SLC24A2: variants seen among roughly 807,000 people sequenced by gnomAD.
The protein encoded by SLC24A2 is sodium/potassium/calcium exchanger 2.
In SLC24A2, 36 loss-of-function variants were observed where a neutral mutation model predicts 62.0. The ratio of observed to expected loss-of-function variants is 0.58; its 90% CI spans 0.44 to 0.77. The LOEUF is 0.77. SLC24A2 is among the 30% of genes least tolerant of loss of function. The pLI, the probability that SLC24A2 is intolerant of heterozygous loss-of-function variation, is 0.00. For synonymous variants in SLC24A2, 358 were observed against 294.0 expected (o/e 1.22, Z -2.23); for missense variants, 846 against 817.9 (o/e 1.03, Z -0.42).
intron 2 of SLC24A2, among the ~76,000 whole-genome samples, chr9:19,699,156 T>C (rs1029516507): frequency 6.6e-6 from 1 of 152,142 alleles, no homozygotes; most frequent in Non-Finnish European, 1.5e-5. Context: ...CTGATTATCT[T>C]GGTACCTACT....
At chr9:20,047,785 T>C in the SLC24A2 span, among the ~76,000 whole-genome samples, 1 of 151,494 alleles carries the variant, frequency 6.6e-6, no homozygotes, top group Non-Finnish European at 1.5e-5. Context: ...CCCCACCTCC[T>C]AATACCATCA....
the SLC24A2 span, among the ~76,000 whole-genome samples, chr9:19,985,294 T>G: frequency 1.3e-5 from 2 of 152,138 alleles, no homozygotes; most frequent in African/African-American, 4.8e-5. Context: ...TTATGAAATG[T>G]ACATAGCAAC....
chr9:20,265,106 C>G, the SLC24A2 span, among the ~76,000 whole-genome samples: 1 of 152,242 alleles, frequency 6.6e-6, no homozygotes, highest in African/African-American at 2.4e-5. Flanking sequence ...CAGCGGGCTA[C>G]AGCGGGAGAT....
chr9:19,874,999 A>C, the SLC24A2 span, among the ~76,000 whole-genome samples: 1 of 148,814 alleles, frequency 6.7e-6, no homozygotes, highest in African/African-American at 2.5e-5. Flanking sequence ...AGAATTACAA[A>C]AAAAAAAAAA....
the SLC24A2 span, among the ~76,000 whole-genome samples, chr9:20,241,813 G>C: frequency 4.6e-5 from 7 of 152,196 alleles, no homozygotes; most frequent in East Asian, 1.4e-3. Context: ...AGTTAGCCAA[G>C]CTGAAGGAGC....
At chr9:19,766,994 G>C (rs1040893334) in intron 2 of SLC24A2, among the ~76,000 whole-genome samples, 2 of 152,194 alleles carry the variant, frequency 1.3e-5, no homozygotes, top group Non-Finnish European at 2.9e-5. Context: ...GCCCTGCCCA[G>C]AGAGGAGTAA....
At chr9:20,214,410 A>G in the SLC24A2 span, among the ~76,000 whole-genome samples, 1 of 152,120 alleles carries the variant, frequency 6.6e-6, no homozygotes, top group Non-Finnish European at 1.5e-5. Flanking sequence ...TCAGTAGATA[A>G]GACCATCCTG....
At chr9:20,269,214 G>A in the SLC24A2 span, among the ~76,000 whole-genome samples, 1 of 152,116 alleles carries the variant, frequency 6.6e-6, no homozygotes, top group African/African-American at 2.4e-5. Context: ...CTCAAGTTTT[G>A]TGGCTCTCCC....
chr9:19,753,683 C>T (rs1822051556), intron 2 of SLC24A2, among the ~76,000 whole-genome samples: 1 of 152,156 alleles, frequency 6.6e-6, no homozygotes, highest in African/African-American at 2.4e-5. Flanking sequence ...CACTGTTGGC[C>T]TACTTGGCCA....
the SLC24A2 span, among the ~76,000 whole-genome samples, chr9:20,075,856 T>C: frequency 6.6e-6 from 1 of 152,202 alleles, no homozygotes; most frequent in Non-Finnish European, 1.5e-5. Flanking sequence ...CCATGAGGAA[T>C]TGGTTCCAGG....
chr9:20,012,433 C>T, the SLC24A2 span, among the ~76,000 whole-genome samples: 1 of 152,230 alleles, frequency 6.6e-6, no homozygotes, highest in East Asian at 1.9e-4. Flanking sequence ...GGGTCCCTCC[C>T]GCAACATGTG....
chr9:20,061,649 T>C, the SLC24A2 span, among the ~76,000 whole-genome samples: 8 of 152,294 alleles, frequency 5.3e-5, no homozygotes, highest in South Asian at 6.2e-4. Flanking sequence ...GTCTTTTCAA[T>C]AGATGGTTGT....
the SLC24A2 span, among the ~76,000 whole-genome samples, chr9:20,155,568 T>G: frequency 6.6e-6 from 1 of 151,834 alleles, no homozygotes; most frequent in Admixed American, 6.6e-5. Context: ...TATTTATGTT[T>G]TCCTGCAAAA....
At chr9:20,147,098 G>GT in the SLC24A2 span, among the ~76,000 whole-genome samples, 1 of 152,140 alleles carries the variant, frequency 6.6e-6, no homozygotes, top group Non-Finnish European at 1.5e-5. Context: ...AGTTGTCCTG[G>GT]TTTACTGTTT....
intron 9 of SLC24A2, among the ~76,000 whole-genome samples, chr9:19,523,457 T>C (rs1833291335): frequency 6.6e-6 from 1 of 152,212 alleles, no homozygotes; most frequent in Admixed American, 6.5e-5. Flanking sequence ...TCTAGTTTTT[T>C]TTTTAACTTA....
intron 8 of SLC24A2, among the ~76,000 whole-genome samples, chr9:19,535,725 T>A (rs1203812489): frequency 6.6e-6 from 1 of 152,190 alleles, no homozygotes; most frequent in African/African-American, 2.4e-5. Context: ...CCTGTTGTGG[T>A]ACCAGTACCA....
intron 2 of SLC24A2, among the ~76,000 whole-genome samples, chr9:19,634,016 CT>C (rs1056182817): frequency 9.2e-5 from 14 of 151,980 alleles, no homozygotes; most frequent in Non-Finnish European, 8.8e-5. Flanking sequence ...AATTCCTTGC[CT>C]GGTGTTGGGA....
intron 2 of SLC24A2, among the ~76,000 whole-genome samples, chr9:19,690,924 AGAG>A (rs1397468999): frequency 2.0e-5 from 3 of 151,376 alleles, no homozygotes; most frequent in Non-Finnish European, 4.4e-5. Flanking sequence ...CGTGTGAGAG[AGAG>A]AGAGAGAGAC....
the SLC24A2 span, among the ~76,000 whole-genome samples, chr9:20,031,675 A>G: frequency 6.6e-6 from 1 of 152,150 alleles, no homozygotes; most frequent in African/African-American, 2.4e-5. Flanking sequence ...AAAACTTGTT[A>G]TAGAACACAG....
Sources: gnomAD v4.1 joint callset for allele counts (sites outside exome capture counted in the v4.1 genomes callset) on GRCh38, gnomAD v4.1.1 for gene constraint, MANE v1.5 for transcripts, NCBI Gene and HGNC (gene_info 2026-07-23, HGNC 2026-07-21) for gene names.